The following PCLO variants were observed in gnomAD, a reference collection of about 807,000 sequenced individuals.
PCLO encodes the protein piccolo presynaptic cytomatrix protein.
Under a neutral mutation model 427.5 loss-of-function variants are expected in PCLO, and 82 were observed. The ratio of observed to expected loss-of-function variants is 0.19; its 90% CI spans 0.16 to 0.23. The LOEUF (loss-of-function observed/expected upper bound fraction) is 0.23. Ranked by LOEUF, PCLO falls within the 10% of genes least tolerant of loss-of-function variation. The pLI, the probability that PCLO is intolerant of heterozygous loss-of-function variation, is 1.00. For missense variants in PCLO, 6,239 were observed against 6,115.9 expected (o/e 1.02, Z -0.67); for synonymous variants, 2,357 against 2,155.4 (o/e 1.09, Z -2.59).
chr7:82,789,832 G>C (rs1474058752), intron 22 of PCLO, among the ~76,000 whole-genome samples: 1 of 152,082 alleles, frequency 6.6e-6, no homozygotes, highest in Non-Finnish European at 1.5e-5. Context: ...TCCCGTGAAG[G>C]TTTGCTTTTC....
chr7:82,871,744 TA>T (rs1010600666), intron 10 of PCLO, among the ~76,000 whole-genome samples: 3 of 151,106 alleles, frequency 2.0e-5, no homozygotes, highest in African/African-American at 4.9e-5. Flanking sequence ...TATGTGCCAA[TA>T]AAAAAAATGA....
At chr7:82,886,753 A>C (rs1793636952) in intron 9 of PCLO, among the ~76,000 whole-genome samples, 1 of 152,186 alleles carries the variant, frequency 6.6e-6, no homozygotes, top group African/African-American at 2.4e-5. Context: ...ATTAAAAATA[A>C]TTACTACTAT....
intron 12 of PCLO, among the ~76,000 whole-genome samples, chr7:82,845,926 G>T (rs1211448756): frequency 6.6e-6 from 1 of 152,008 alleles, no homozygotes; most frequent in African/African-American, 2.4e-5. Context: ...AATTCGTATA[G>T]CACTTGGTCT....
At chr7:83,079,705 G>C (rs1228567069) in intron 3 of PCLO, among the ~76,000 whole-genome samples, 2 of 151,984 alleles carry the variant, frequency 1.3e-5, no homozygotes, top group African/African-American at 4.8e-5. Flanking sequence ...ATGAAGAGAG[G>C]ATTTTTTTAT....
intron 3 of PCLO, among the ~76,000 whole-genome samples, chr7:83,071,192 C>A (rs1789807088): frequency 6.6e-6 from 1 of 152,060 alleles, no homozygotes; most frequent in Non-Finnish European, 1.5e-5. Flanking sequence ...ACTTTGTGAC[C>A]TTTAGGCAGT....
rs370394274 is a variant in PCLO at position 82,939,465 on chromosome 7, T to C, written c.11112+10011A>G. 1.6e-4 allele frequency among the ~76,000 whole-genome samples: 24 copies of C among 151,998 alleles called. 1 individual carries two copies. The East Asian group carries it at 2.5e-3, about 16-fold the overall frequency. On this transcript the variant is annotated intron_variant, in intron 6 of 24. Coordinates refer to ENST00000333891, the MANE Select transcript of PCLO (RefSeq NM_033026.6). ...CTATTGTGTTTTGTTTCTTGTTCAT[T>C]GATTATCCCTTAGCCTAGAACACAA...
At chr7:83,080,578 T>C (rs1009809478) in intron 3 of PCLO, among the ~76,000 whole-genome samples, 1 of 152,136 alleles carries the variant, frequency 6.6e-6, no homozygotes, top group East Asian at 1.9e-4. Flanking sequence ...CATTTCCGTA[T>C]GTCATTTGAA....
At chr7:83,001,295 A>C (rs1236306809) in intron 3 of PCLO, among the ~76,000 whole-genome samples, 1 of 152,024 alleles carries the variant, frequency 6.6e-6, no homozygotes, top group Non-Finnish European at 1.5e-5. Flanking sequence ...AAAACCCTAC[A>C]TATTCCTGCG....
Position 82,760,635 on chromosome 7 carries a change from C to G in PCLO, c.15288+4G>C, listed in dbSNP as rs549179062. The G allele has an allele frequency of 3.2e-6, 5 of 1,574,892 alleles. No homozygotes were observed. The African/African-American group carries it at 4.1e-5, about 13-fold the overall frequency. On this transcript the variant is annotated splice_donor_region_variant and intron_variant, in intron 24 of 24. Coordinates refer to ENST00000333891, the MANE Select transcript of PCLO (RefSeq NM_033026.6). ...CAAATATGAACTACATAATACAGAG[C>G]TACCTGAAGAGAATGTCCTGCAGGA...
At chr7:82,912,528 T>C (rs1360388274) in intron 7 of PCLO, among the ~76,000 whole-genome samples, 1 of 152,010 alleles carries the variant, frequency 6.6e-6, no homozygotes, top group Non-Finnish European at 1.5e-5. Flanking sequence ...ATAATCTTTA[T>C]GAATAATTTC....
chr7:82,788,576 T>C (rs1791034004), intron 22 of PCLO, among the ~76,000 whole-genome samples: 1 of 152,068 alleles, frequency 6.6e-6, no homozygotes, highest in Non-Finnish European at 1.5e-5. Flanking sequence ...TCTGATCTCT[T>C]TGTATAATAC....
intron 1 of PCLO, among the ~76,000 whole-genome samples, chr7:83,159,656 C>T (rs1203960761): frequency 6.6e-6 from 1 of 151,774 alleles, no homozygotes; most frequent in African/African-American, 2.4e-5. Context: ...AACATATATG[C>T]AAAATGTAGG....
At chr7:82,971,131 A>T (rs551026543) in intron 3 of PCLO, among the ~76,000 whole-genome samples, 1 of 151,948 alleles carries the variant, frequency 6.6e-6, no homozygotes, top group Admixed American at 6.6e-5. Flanking sequence ...CCACACCATG[A>T]CATTTTCATA....
intron 22 of PCLO, among the ~76,000 whole-genome samples, chr7:82,769,713 C>T (rs932069209): frequency 2.6e-5 from 4 of 152,172 alleles, no homozygotes; most frequent in Non-Finnish European, 4.4e-5. Context: ...TCCCATTACA[C>T]TGTATTTGCA....
chr7:82,815,239 C>T (rs933399598), intron 20 of PCLO, among the ~76,000 whole-genome samples: 2 of 151,904 alleles, frequency 1.3e-5, no homozygotes, highest in Non-Finnish European at 2.9e-5. Context: ...CACAGAAACC[C>T]GGAGTAAATA....
At chr7:82,821,611 A>G in intron 20 of PCLO, 1 of 965,262 alleles carries the variant, frequency 1.0e-6, no homozygotes. Flanking sequence ...TCAATCGACT[A>G]AATTTTCACA....
rs754596382 is a variant in PCLO at position 82,950,974 on chromosome 7, G to C, written c.9614C>G (p.Pro3205Arg). The C allele has an allele frequency of 6.2e-7, 1 of 1,613,606 alleles. No homozygotes were observed. ...CTGCTGCTGTTGTTTATCTTCTTCA[G>C]GGACAATTAAAAGAGCACTTTCATC... Reference protein sequence around the residue: ...VGDESALLIVPEEDKQQQQLD... With the variant: ...VGDESALLIVREEDKQQQQLD... The change falls in exon 6 of 25, where the codon CCT becomes CGT. Residue 3205 changes from proline to arginine, a missense_variant. Pro to Arg is a moderately radical substitution (Grantham distance 103). Coordinates refer to ENST00000333891, the MANE Select transcript of PCLO (RefSeq NM_033026.6).
chr7:82,762,075 A>G (rs1156456387), intron 22 of PCLO, among the ~76,000 whole-genome samples: 2 of 152,136 alleles, frequency 1.3e-5, no homozygotes, highest in African/African-American at 2.4e-5. Flanking sequence ...AGTGAATATA[A>G]TGATAAGCCA....
chr7:83,155,520 T>G lies in PCLO; in HGVS notation c.1121A>C (p.Gln374Pro). ...TGAAGGCTTCTCTGACCCAGTCTGC[T>G]GAGCTGGAGGCTTAGCAGGACCAAG... ...QPLGPAKPPA[Q>P]QTGSEKPSSE... The change falls in exon 2 of 25, where the codon CAG becomes CCG. Residue 374 changes from glutamine to proline, a missense_variant. Coordinates refer to ENST00000333891, the MANE Select transcript of PCLO (RefSeq NM_033026.6). The G allele has an allele frequency of 6.2e-7, 1 of 1,612,832 alleles. No individual in the cohort carries two copies. Among genetic ancestry groups the G allele is most frequent in the Non-Finnish European group, 8.5e-7 (1 of 1,179,196 alleles).
Sources: allele counts gnomAD v4.1 joint callset (sites outside exome capture counted in the v4.1 genomes callset), GRCh38; gene constraint gnomAD v4.1.1; transcripts MANE v1.5; gene names NCBI Gene and HGNC (gene_info 2026-07-23, HGNC 2026-07-21).